Variants in PLD5 observed in about 807,000 individuals in gnomAD.
The protein encoded by PLD5 is phospholipase D family member 5.
Under a neutral mutation model 61.1 loss-of-function variants are expected in PLD5, and 36 were observed. The ratio of observed to expected loss-of-function variants is 0.59; its 90% CI spans 0.45 to 0.78. The LOEUF is 0.78. PLD5 is among the 30% of genes least tolerant of loss of function. The pLI is 0.00. For synonymous variants in PLD5, 243 were observed against 242.8 expected (o/e 1.00, Z -0.01); for missense variants, 515 against 644.4 (o/e 0.80, Z 2.17).
intron 1 of PLD5, among the ~76,000 whole-genome samples, chr1:242,505,353 C>G (rs1447754586): frequency 6.6e-6 from 1 of 152,080 alleles, no homozygotes; most frequent in Non-Finnish European, 1.5e-5. Context: ...GATTTCTGAA[C>G]AAGGATGAGT....
intron 1 of PLD5, among the ~76,000 whole-genome samples, chr1:242,374,163 G>T (rs1661815555): frequency 6.6e-6 from 1 of 152,058 alleles, no homozygotes; most frequent in Non-Finnish European, 1.5e-5. Context: ...GATAGCAATT[G>T]CATGTCAATT....
rs573970305 is a variant in PLD5, at chr1:242,429,466, C to T, written c.190-81224G>A. Among the ~76,000 whole-genome samples the T allele has an allele frequency of 1.2e-4, 18 of 152,250 alleles. No individual in the cohort carries two copies. In the South Asian group the frequency reaches 3.3e-3, roughly 28 times the overall value. Reference sequence around the variant, plus strand: ...CCTGCCATGTTGCAAAGGCTGGTCTCGAACTCCAGGCCTTAAGTGATTCTC... The same window carrying T: ...CCTGCCATGTTGCAAAGGCTGGTCTTGAACTCCAGGCCTTAAGTGATTCTC... On this transcript the variant is annotated intron_variant, in intron 1 of 9. Coordinates refer to ENST00000536534, the MANE Select transcript of PLD5 (RefSeq NM_001372062.1).
At chr1:242,312,926 G>A (rs1676785562) in intron 2 of PLD5, among the ~76,000 whole-genome samples, 1 of 152,172 alleles carries the variant, frequency 6.6e-6, no homozygotes, top group Admixed American at 6.5e-5. Context: ...TGTTTAATCA[G>A]TCTCTTATTT....
intron 2 of PLD5, among the ~76,000 whole-genome samples, chr1:242,300,749 GCGGGAC>G (rs1184957674): frequency 2.0e-4 from 1 of 5,100 alleles, no homozygotes. Flanking sequence ...ATGGGTTGCA[GCGGGAC>G]AAGGGTTGCA....
intron 1 of PLD5, among the ~76,000 whole-genome samples, chr1:242,370,811 CCAA>C (rs1201572631): frequency 1.3e-5 from 2 of 152,078 alleles, no homozygotes; most frequent in Non-Finnish European, 2.9e-5. Flanking sequence ...TGACAAAATG[CCAA>C]CTGGTCTTTG....
intron 5 of PLD5, among the ~76,000 whole-genome samples, chr1:242,137,423 T>C (rs1663822067): frequency 6.6e-6 from 1 of 152,218 alleles, no homozygotes; most frequent in African/African-American, 2.4e-5. Context: ...AAATTCTTTT[T>C]TCCTCCCATG....
chr1:242,352,626 A>G (rs1660541529), intron 1 of PLD5, among the ~76,000 whole-genome samples: 1 of 152,146 alleles, frequency 6.6e-6, no homozygotes, highest in Non-Finnish European at 1.5e-5. Flanking sequence ...GAATCTCCAT[A>G]CAGTTTTCTA....
intron 5 of PLD5, among the ~76,000 whole-genome samples, chr1:242,136,672 T>C (rs918962304): frequency 5.3e-5 from 8 of 152,198 alleles, no homozygotes; most frequent in Non-Finnish European, 1.2e-4. Flanking sequence ...TCTGACTCCT[T>C]TCAATACACA....
intron 1 of PLD5, among the ~76,000 whole-genome samples, chr1:242,518,201 G>C (rs1274451290): frequency 6.6e-6 from 1 of 152,126 alleles, no homozygotes; most frequent in Non-Finnish European, 1.5e-5. Flanking sequence ...TCTTTCATAA[G>C]GGCTAGATTT....
chr1:242,104,297 CTTT>C (rs368132707), intron 8 of PLD5, among the ~76,000 whole-genome samples: 5 of 129,538 alleles, frequency 3.9e-5, no homozygotes, highest in Admixed American at 7.8e-5. Context: ...CTAGTTTTTG[CTTT>C]TTTTTTTTTT....
intron 9 of PLD5, among the ~76,000 whole-genome samples, chr1:242,096,922 C>T (rs1312784386): frequency 2.0e-5 from 3 of 151,396 alleles, no homozygotes; most frequent in African/African-American, 7.3e-5. Flanking sequence ...ACAACAGCCC[C>T]CGGTGTGTGA....
At chr1:242,322,069 G>C (rs1019597417) in intron 2 of PLD5, among the ~76,000 whole-genome samples, 1 of 152,186 alleles carries the variant, frequency 6.6e-6, no homozygotes, top group African/African-American at 2.4e-5. Flanking sequence ...AGACCATCTA[G>C]AAGCCACGAG....
chr1:242,229,878 C>T (rs1311712609), intron 4 of PLD5, among the ~76,000 whole-genome samples: 2 of 150,324 alleles, frequency 1.3e-5, no homozygotes, highest in Non-Finnish European at 2.9e-5. Flanking sequence ...TGCCCTATGT[C>T]ACTGGTAAGA....
intron 5 of PLD5, among the ~76,000 whole-genome samples, chr1:242,176,399 C>T: frequency 6.6e-6 from 1 of 152,144 alleles, no homozygotes; most frequent in East Asian, 1.9e-4. Context: ...AAAACTGACG[C>T]TGTACCCCTT....
At chr1:242,238,472 A>G (rs778910370) in intron 4 of PLD5, among the ~76,000 whole-genome samples, 17 of 152,306 alleles carry the variant, frequency 1.1e-4, no homozygotes, top group Non-Finnish European at 2.2e-4. Flanking sequence ...AGTCCTCCTT[A>G]GAGAGTGACA....
At chr1:242,201,606 T>C (rs420622) in intron 5 of PLD5, among the ~76,000 whole-genome samples, 128,534 of 152,086 alleles carry the variant, frequency 0.85, 54,772 homozygotes, top group African/African-American at 0.95. Context: ...ACTGCGGCCT[T>C]AAACTTCCGG....
chr1:242,377,016 T>A, intron 1 of PLD5: 2 of 1,611,810 alleles, frequency 1.2e-6, no homozygotes, highest in Non-Finnish European at 1.7e-6. Context: ...TTCAAAAGTT[T>A]TTGCGCACAC....
At chr1:242,122,287 C>CA (rs913243159) in intron 6 of PLD5, among the ~76,000 whole-genome samples, 3 of 152,054 alleles carry the variant, frequency 2.0e-5, no homozygotes, top group Non-Finnish European at 2.9e-5. Context: ...TTAAAATCAA[C>CA]AAAAAACTGA....
chr1:242,417,057 A>G (rs2810017), intron 1 of PLD5, among the ~76,000 whole-genome samples: 102,027 of 152,084 alleles, frequency 0.67, 34,928 homozygotes, highest in African/African-American at 0.8. Context: ...AGTGTAGCCC[A>G]AAAGAGTTAT....
Sources: gnomAD v4.1 joint callset for allele counts (sites outside exome capture counted in the v4.1 genomes callset) on GRCh38, gnomAD v4.1.1 for gene constraint, MANE v1.5 for transcripts, NCBI Gene and HGNC (gene_info 2026-07-23, HGNC 2026-07-21) for gene names.